CBFA2T2: variants seen among roughly 807,000 people sequenced by gnomAD.
CBFA2T2 encodes CBFA2/RUNX1 partner transcriptional co-repressor 2.
CBFA2T2 carries 11 observed loss-of-function variants against 62.2 expected under a neutral mutation model. The ratio of observed to expected loss-of-function variants is 0.18; its 90% CI spans 0.11 to 0.29. The LOEUF is 0.29. CBFA2T2 is among the 10% of genes least tolerant of loss of function. The pLI is 1.00. For missense variants in CBFA2T2, 592 were observed against 774.1 expected, an observed-to-expected ratio of 0.76 and a Z score of 2.79; for synonymous variants, 295 against 287.5, an observed-to-expected ratio of 1.03 and a Z score of -0.27.
intron 9 of CBFA2T2, among the ~76,000 whole-genome samples, chr20:33,638,275 T>C (rs2016701364): frequency 6.6e-6 from 1 of 152,142 alleles, no homozygotes; most frequent in African/African-American, 2.4e-5. Flanking sequence ...GCCTGTAATG[T>C]GCCCAGCCAC....
At chr20:33,584,847 A>G (rs1015651657) in intron 1 of CBFA2T2, among the ~76,000 whole-genome samples, 2 of 152,166 alleles carry the variant, frequency 1.3e-5, no homozygotes, top group Admixed American at 6.5e-5. Context: ...TTTACTATAT[A>G]CCAAAACATG....
rs141371838 is a variant in CBFA2T2, at chr20:33,644,166, CA to C, written c.1489-180del. On this transcript the variant is annotated intron_variant, in intron 10 of 10. Transcript: ENST00000342704. ...TCTTGTTTTACAGATGAAGGAAACT[CA>C]GAAAGGCAGTGTGTATTTCTCATAG... 5.3e-3 allele frequency among the ~76,000 whole-genome samples: 807 copies of C among 152,230 alleles called. 6 individuals carry two copies. The highest frequency in any genetic ancestry group is 0.018 in the African/African-American group (762 of 41,524).
At chr20:33,507,346 A>G (rs1388779652) in intron 1 of CBFA2T2, among the ~76,000 whole-genome samples, 1 of 152,220 alleles carries the variant, frequency 6.6e-6, no homozygotes, top group East Asian at 1.9e-4. Flanking sequence ...GGCAAGTAAC[A>G]TCCTACCAAG....
chr20:33,588,669 G>A (rs2014482544), intron 1 of CBFA2T2, among the ~76,000 whole-genome samples: 1 of 152,144 alleles, frequency 6.6e-6, no homozygotes, highest in Non-Finnish European at 1.5e-5. Flanking sequence ...GAAAAGGGCT[G>A]GGCATGGTGG....
rs1376694474 is a variant in CBFA2T2, at chr20:33,624,813, G to T, written c.742G>T (p.Ala248Ser). The stretch of plus-strand genomic sequence containing the variant: ...AGACACAATTGCTCCTGAGCCTCCT[G>T]CCAAGAGAGTATGTACCATCAGCCC... Reference protein sequence around the residue: ...DRDTIAPEPPAKRVCTISPAP... With the variant: ...DRDTIAPEPPSKRVCTISPAP... The change falls in exon 6 of 11, where the codon GCC becomes TCC. Residue 248 changes from alanine to serine, a missense_variant. By Grantham distance (99) the Ala-to-Ser change is moderately conservative (BLOSUM62 1). This residue lies in a region of CBFA2T2 where 449 missense variants were observed against 551.2 expected (regional missense o/e 0.81). Coordinates refer to ENST00000342704, the MANE Select transcript of CBFA2T2 (RefSeq NM_001032999.3). The T allele has an allele frequency of 6.2e-7, 1 of 1,614,176 alleles. No homozygotes were observed. Among genetic ancestry groups the T allele is most frequent in the East Asian group, 2.2e-5 (1 of 44,886 alleles).
chr20:33,524,642 GA>G (rs1385932362), intron 1 of CBFA2T2, among the ~76,000 whole-genome samples: 7 of 152,074 alleles, frequency 4.6e-5, no homozygotes, highest in African/African-American at 1.4e-4. Flanking sequence ...TACATAAGAA[GA>G]CAAACCAGGA....
At position 33,600,182 on chromosome 20, in the gene CBFA2T2, G is replaced by GTTTTTT. The variant is rs1183371343; in HGVS notation, c.35-6750_35-6745dup. Among the ~76,000 whole-genome samples the GTTTTTT allele has an allele frequency of 2.3e-3, 140 of 62,066 alleles. 4 individuals carry two copies. Among genetic ancestry groups the GTTTTTT allele is most frequent in the South Asian group, 2.8e-3 (4 of 1,434 alleles). 40.7% of individuals were successfully genotyped at this position (62,066 alleles called of 152,430 possible). ...AAGTTAGAATTATCACTTTTGGAAA[G>GTTTTTT]TTTTTTTTTTTTTTTTTTTTTTTTT... On this transcript the variant is annotated intron_variant, in intron 1 of 10. Transcript: ENST00000342704.
At chr20:33,623,908 G>C (rs1439172818) in intron 5 of CBFA2T2, 2 of 709,822 alleles carry the variant, frequency 2.8e-6, no homozygotes, top group Non-Finnish European at 5.2e-6. Context: ...GAAGCCTCAG[G>C]AGTACAGTTC....
At chr20:33,596,332 C>A (rs546479866) in intron 1 of CBFA2T2, among the ~76,000 whole-genome samples, 52 of 152,182 alleles carry the variant, frequency 3.4e-4, no homozygotes, top group Middle Eastern at 3.4e-3. Flanking sequence ...CTTCATTGTA[C>A]CTGTATTCTT....
chr20:33,629,214 T>C (rs1353798960), intron 7 of CBFA2T2, among the ~76,000 whole-genome samples: 2 of 152,236 alleles, frequency 1.3e-5, no homozygotes, highest in African/African-American at 2.4e-5. Flanking sequence ...TCATGTTTCG[T>C]AGTTTTAGAA....
At chr20:33,553,992 A>T (rs1337394678) in intron 1 of CBFA2T2, among the ~76,000 whole-genome samples, 2 of 152,008 alleles carry the variant, frequency 1.3e-5, no homozygotes, top group East Asian at 3.8e-4. Context: ...ATGATTCTTG[A>T]TATTGATGTT....
At chr20:33,501,349 C>T (rs554386138) in intron 1 of CBFA2T2, among the ~76,000 whole-genome samples, 8 of 152,282 alleles carry the variant, frequency 5.3e-5, no homozygotes, top group Non-Finnish European at 1.2e-4. Flanking sequence ...GAGGTCGTGC[C>T]TGCTTTTAAT....
chr20:33,643,787 A>G (rs1329405781), intron 10 of CBFA2T2, among the ~76,000 whole-genome samples: 11 of 33,576 alleles, frequency 3.3e-4, no homozygotes, highest in Admixed American at 2.8e-3. Context: ...ATATATATAT[A>G]TATATATATA....
At chr20:33,539,504 A>G (rs909445340) in intron 1 of CBFA2T2, among the ~76,000 whole-genome samples, 1 of 152,076 alleles carries the variant, frequency 6.6e-6, no homozygotes, top group African/African-American at 2.4e-5. Context: ...TGTTGAGTTG[A>G]TATCTTACTA....
intron 1 of CBFA2T2, among the ~76,000 whole-genome samples, chr20:33,544,907 A>G (rs1222007072): frequency 6.6e-6 from 1 of 151,792 alleles, no homozygotes. Flanking sequence ...TAGATGCACA[A>G]TAAATATTTG....
chr20:33,539,843 T>C (rs2012364423), intron 1 of CBFA2T2, among the ~76,000 whole-genome samples: 1 of 152,018 alleles, frequency 6.6e-6, no homozygotes, highest in Admixed American at 6.6e-5. Flanking sequence ...CGTACCACCA[T>C]GCCTGGATAA....
intron 3 of CBFA2T2, chr20:33,618,332 C>T (rs2015788299): frequency 6.6e-6 from 1 of 152,084 alleles, no homozygotes; most frequent in African/African-American, 2.4e-5. Flanking sequence ...GAATAATCCC[C>T]ATATTTCATT....
rs1416717286 is a variant in CBFA2T2, at chr20:33,624,980, A to G, written c.909A>G (p.Leu303=). 24 of 1,614,072 alleles carry G rather than the reference A, an allele frequency of 1.5e-5. No individual in the cohort carries two copies. Among genetic ancestry groups the G allele is most frequent in the Non-Finnish European group, 2.0e-5 (24 of 1,180,016 alleles). The change falls in exon 6 of 11, where the codon CTA becomes CTG. Residue 303 remains leucine, a synonymous_variant. Transcript: ENST00000342704. Reference sequence around the variant, plus strand: ...TGTATCGGGAACCCAACAAGATGCTAGAGCATCGAGAAGTTCGTGATAGAC... The same window carrying G: ...TGTATCGGGAACCCAACAAGATGCTGGAGCATCGAGAAGTTCGTGATAGAC... ...SHLYREPNKM[L]EHREVRDRHH...
At chr20:33,614,845 A>G (rs1200820214) in intron 3 of CBFA2T2, among the ~76,000 whole-genome samples, 1 of 152,194 alleles carries the variant, frequency 6.6e-6, no homozygotes, top group African/African-American at 2.4e-5. Flanking sequence ...CAGTTAAGAA[A>G]AGTTTTATAT....
Sources: allele counts gnomAD v4.1 joint callset (sites outside exome capture counted in the v4.1 genomes callset), GRCh38; gene constraint gnomAD v4.1.1; regional missense constraint gnomAD v4.1.1; transcripts MANE v1.5; gene names NCBI Gene and HGNC (gene_info 2026-07-23, HGNC 2026-07-21).